RNFT2: variants seen among roughly 807,000 people sequenced by gnomAD.
The protein encoded by RNFT2 is E3 ubiquitin-protein ligase RNFT2.
A neutral mutation model predicts 53.0 loss-of-function variants in RNFT2; 36 were observed. The ratio of observed to expected loss-of-function variants is 0.68; its 90% confidence interval spans 0.52 to 0.90. The LOEUF is 0.90. Ranked by LOEUF, RNFT2 falls within the 40% of genes least tolerant of loss-of-function variation. The probability of loss-of-function intolerance (pLI) is 0.00; values close to 1 mark genes in which losing one functional copy is unlikely to be tolerated. For missense variants in RNFT2, 514 were observed against 585.6 expected, an observed-to-expected ratio of 0.88 and a Z score of 1.26; for synonymous variants, 260 against 253.2, an observed-to-expected ratio of 1.03 and a Z score of -0.26.
intron 10 of RNFT2, among the ~76,000 whole-genome samples, chr12:116,839,274 A>G (rs1877127465): frequency 6.6e-6 from 1 of 152,204 alleles, no homozygotes; most frequent in African/African-American, 2.4e-5. Flanking sequence ...GCAGAGCCAC[A>G]GTACTGTCTC....
At chr12:116,745,282 C>T (rs1287911998) in intron 3 of RNFT2, among the ~76,000 whole-genome samples, 2 of 149,838 alleles carry the variant, frequency 1.3e-5, no homozygotes, top group Non-Finnish European at 2.9e-5. Flanking sequence ...TCAAGCGATT[C>T]TCCTGCCGCA....
Position 116,852,689 on chromosome 12 carries a change from A to G in RNFT2, c.*3241A>G, listed in dbSNP as rs755797304. ...GCACAAGAAATTGGAGCTGGAGAAG[A>G]TTGATGAAAGTGCAGGTGTGTAAGG... On this transcript the variant is annotated 3_prime_UTR_variant, in exon 11 of 11. Transcript: ENST00000257575. The G allele has an allele frequency of 3.7e-6, 6 of 1,614,030 alleles. No individual in the cohort carries two copies. The highest frequency in any genetic ancestry group is 3.3e-4 in the Middle Eastern group (2 of 6,062).
At chr12:116,831,072 A>G (rs562123361) in intron 7 of RNFT2, among the ~76,000 whole-genome samples, 51 of 151,934 alleles carry the variant, frequency 3.4e-4, no homozygotes, top group African/African-American at 1.1e-3. Context: ...GGCCCCTTCA[A>G]CTTGGGGCCA....
rs1444760496 is a variant in RNFT2, at chr12:116,740,436, C to T, written c.-62C>T. On this transcript the variant is annotated 5_prime_UTR_variant, in exon 2 of 11. Coordinates refer to ENST00000257575, the MANE Select transcript of RNFT2 (RefSeq NM_001382266.1). ...TGTCCTCTCTGGGATCCATTGGTCA[C>T]ATCCCCCTGAGGATTCCCGAATGCC... 7 of 1,515,996 alleles carry T rather than the reference C, an allele frequency of 4.6e-6. No homozygotes were observed. Among genetic ancestry groups the T allele is most frequent in the African/African-American group, 2.8e-5 (2 of 72,610 alleles). The allele number at this position is 1,515,996 out of a possible 1,614,324, so 93.9% of individuals were successfully genotyped here. A position where few individuals can be genotyped will look rare whatever the true frequency, so the allele number is the denominator to read the frequency against.
chr12:116,815,168 C>T (rs530681841), intron 7 of RNFT2, among the ~76,000 whole-genome samples: 9 of 152,320 alleles, frequency 5.9e-5, no homozygotes, highest in African/African-American at 2.2e-4. Context: ...AGGCCACTCC[C>T]AGGCCTGGGT....
intron 7 of RNFT2, among the ~76,000 whole-genome samples, chr12:116,828,065 G>A (rs992235947): frequency 3.9e-5 from 6 of 152,102 alleles, no homozygotes; most frequent in Admixed American, 6.5e-5. Context: ...TGGGGTAGCC[G>A]TGTCCTTACC....
intron 7 of RNFT2, among the ~76,000 whole-genome samples, chr12:116,831,991 C>T (rs1472775346): frequency 1.3e-5 from 2 of 151,108 alleles, no homozygotes; most frequent in African/African-American, 2.4e-5. Flanking sequence ...ATTAGCCAGG[C>T]GTGGTGGTGT....
chr12:116,772,304 T>C (rs1005041090), intron 6 of RNFT2, among the ~76,000 whole-genome samples: 1 of 152,096 alleles, frequency 6.6e-6, no homozygotes, highest in African/African-American at 2.4e-5. Flanking sequence ...GTAATTTTTA[T>C]TTTATTTTGT....
intron 7 of RNFT2, among the ~76,000 whole-genome samples, chr12:116,815,110 CTAG>C (rs1036909838): frequency 6.6e-6 from 1 of 152,040 alleles, no homozygotes; most frequent in African/African-American, 2.4e-5. Context: ...GTAGCCGGTC[CTAG>C]TAGTAGTAGA....
At chr12:116,841,956 T>TATATAAATATATATATAA (rs1877355871) in intron 10 of RNFT2, among the ~76,000 whole-genome samples, 1 of 17,234 alleles carries the variant, frequency 5.8e-5, no homozygotes, top group Non-Finnish European at 9.1e-5. Context: ...TAAATATATA[T>TATATAAATATATATATAA]ATAGAGAGAG....
intron 7 of RNFT2, among the ~76,000 whole-genome samples, chr12:116,828,251 A>G (rs752936284): frequency 1.1e-4 from 16 of 152,234 alleles, no homozygotes; most frequent in Non-Finnish European, 2.1e-4. Flanking sequence ...TCAAACTTGG[A>G]TGTGCACTCG....
chr12:116,841,384 C>T (rs995241697), intron 10 of RNFT2, among the ~76,000 whole-genome samples: 8 of 151,924 alleles, frequency 5.3e-5, no homozygotes, highest in African/African-American at 9.7e-5. Context: ...GCCCAAGAGG[C>T]GGAGGCTGCA....
intron 7 of RNFT2, among the ~76,000 whole-genome samples, chr12:116,798,031 GA>G (rs1025420093): frequency 2.0e-5 from 3 of 151,972 alleles, no homozygotes; most frequent in African/African-American, 7.3e-5. Flanking sequence ...CCCCATATCT[GA>G]GCCCCATCTC....
At position 116,852,886 on chromosome 12, in the gene RNFT2, G is replaced by T. The variant is rs1877996179; in HGVS notation, c.*3438G>T. ...TAGGTTACTAGTGAATACCCCAATGGTTTCTCCAATTATGCCCATGCCACC... is the reference window on the plus strand; with the variant it reads ...TAGGTTACTAGTGAATACCCCAATGTTTTCTCCAATTATGCCCATGCCACC... On this transcript the variant is annotated 3_prime_UTR_variant, in exon 11 of 11. Transcript: ENST00000257575. 4.7e-6 allele frequency: 3 copies of T among 635,200 alleles called. No individual in the cohort carries two copies. Among genetic ancestry groups the T allele is most frequent in the Non-Finnish European group, 8.2e-6 (3 of 367,120 alleles). The allele number at this position is 635,200 out of a possible 1,614,324, so 39.3% of individuals were successfully genotyped here.
intron 4 of RNFT2, among the ~76,000 whole-genome samples, chr12:116,750,902 A>T (rs1321250631): frequency 0.28 from 4,503 of 15,936 alleles, 381 homozygotes; most frequent in African/African-American, 0.41. Flanking sequence ...ATATATATAT[A>T]TATATATTTT....
chr12:116,781,126 A>G lies in RNFT2; in HGVS notation c.882+1778A>G, dbSNP rs1873678805. 2.0e-5 allele frequency among the ~76,000 whole-genome samples: 3 copies of G among 152,190 alleles called. No individual in the cohort carries two copies. In the South Asian group the frequency reaches 6.2e-4, roughly 31 times the overall value. On this transcript the variant is annotated intron_variant, in intron 7 of 10. Coordinates refer to ENST00000257575, the MANE Select transcript of RNFT2 (RefSeq NM_001382266.1). ...GTGTTGTCTAATCTTCATGACTGCC[A>G]GCTCTGCACTGACTAGCTGTGCAAT...
intron 6 of RNFT2, among the ~76,000 whole-genome samples, chr12:116,768,597 G>T (rs1043576174): frequency 6.6e-6 from 1 of 152,058 alleles, no homozygotes; most frequent in African/African-American, 2.4e-5. Context: ...TAAACCTATT[G>T]TCCTGCCAGT....
At chr12:116,747,553 A>G (rs959128390) in intron 3 of RNFT2, among the ~76,000 whole-genome samples, 1 of 152,006 alleles carries the variant, frequency 6.6e-6, no homozygotes, top group African/African-American at 2.4e-5. Context: ...GTCTCATATA[A>G]TAGATGATAT....
rs1877984202 is a variant in RNFT2, at chr12:116,852,646, G to A, written c.*3198G>A. 1.9e-6 allele frequency: 3 copies of A among 1,613,912 alleles called. No individual in the cohort carries two copies. Among genetic ancestry groups the A allele is most frequent in the Admixed American group, 1.7e-5 (1 of 59,998 alleles). ...TTTTATCGGAAAGATCATCCTGCCT[G>A]CAGATGCTGTTGAAGGGGCACAAGA... is the stretch of plus-strand genomic sequence containing the variant. On this transcript the variant is annotated 3_prime_UTR_variant, in exon 11 of 11. Coordinates refer to ENST00000257575, the MANE Select transcript of RNFT2 (RefSeq NM_001382266.1).
Sources: allele counts gnomAD v4.1 joint callset (sites outside exome capture counted in the v4.1 genomes callset), GRCh38; gene constraint gnomAD v4.1.1; transcripts MANE v1.5; gene names NCBI Gene and HGNC (gene_info 2026-07-23, HGNC 2026-07-21).